KLF4: variants seen among roughly 807,000 people sequenced by gnomAD.
The protein encoded by KLF4 is KLF transcription factor 4.
Under a neutral mutation model 38.0 loss-of-function variants are expected in KLF4, and 14 were observed. That is an observed-to-expected ratio of 0.37 (90% CI 0.24 to 0.58). The LOEUF is 0.58. Ranked by LOEUF, KLF4 falls within the 20% of genes least tolerant of loss-of-function variation. KLF4 has a pLI of 0.76. For missense variants in KLF4, 737 were observed against 670.1 expected (o/e 1.10, Z -1.10); for synonymous variants, 398 against 302.5 (o/e 1.32, Z -3.28).
rs1829051198 is a variant in KLF4, at chr9:107,485,879, C to T, written c.1312G>A (p.Ala438Thr). The change falls in exon 5 of 5, where the codon GCC (alanine) becomes ACC (threonine). Residue 438 changes from alanine (A) to threonine (T), a missense_variant. Physicochemically the swap from Ala to Thr is moderately conservative, Grantham distance 58 (BLOSUM62 0). Transcript: ENST00000374672. This position sits in a 1 kb window ranked among gnomAD's most constrained non-coding sequence, Gnocchi z 4.9. ...CDWDGCGWKF[A>T]RSDELTRHYR... ...TGCCTGGTCAGTTCATCTGAGCGGG[C>T]GAATTTCCATCCACAGCCGTCCCAG... 6.2e-7 allele frequency: 1 copy of T among 1,611,278 alleles called. No homozygotes were observed.
chr9:107,486,753 C>G (rs1290773967), intron 4 of KLF4, among the ~76,000 whole-genome samples: 1 of 152,044 alleles, frequency 6.6e-6, no homozygotes, highest in African/African-American at 2.4e-5. Flanking sequence ...CTTTTAAAAG[C>G]CTAACAAAAT....
chr9:107,487,936 G>T lies in KLF4; in HGVS notation c.458C>A (p.Pro153Gln). 6.3e-7 allele frequency: 1 copy of T among 1,581,332 alleles called. No individual in the cohort carries two copies. Among genetic ancestry groups the T allele is most frequent in the Non-Finnish European group, 8.6e-7 (1 of 1,164,370 alleles). The change falls in exon 3 of 5, where the codon CCG (proline) becomes CAG (glutamine). Residue 153 changes from proline (P) to glutamine (Q), a missense_variant. Transcript: ENST00000374672. The surrounding 1 kb of genome is among the most constrained non-coding windows in gnomAD (Gnocchi z 6.1). ...GCCCGGGTCGTTCCCGGCCCGGATC[G>T]GATAGGTGAAGCTGCAGGTGGAGGG... ...SAPSTCSFTY[P>Q]IRAGNDPGVA...
In KLF4 at chr9:107,488,053, G is replaced by C. The variant is rs150375845; in HGVS notation, c.341C>G (p.Thr114Ser). The change falls in exon 3 of 5, where the codon ACC (threonine) becomes AGC (serine). Residue 114 changes from threonine to serine, a missense_variant. By Grantham distance (58) the Thr-to-Ser change is moderately conservative. Coordinates refer to ENST00000374672, the MANE Select transcript of KLF4 (RefSeq NM_004235.6). The surrounding 1 kb of genome is among the most constrained non-coding windows in gnomAD (Gnocchi z 5.7). ...DLDFILSNSL[T>S]HPPESVAATV... ...GGCGGCCACTGACTCCGGAGGATGG[G>C]TCAGCGAATTGGAGAGAATAAAGTC... is the stretch of plus-strand genomic sequence containing the variant. 4 of 1,612,520 alleles carry C rather than the reference G, an allele frequency of 2.5e-6. No homozygotes were observed. Among genetic ancestry groups the C allele is most frequent in the African/African-American group, 2.7e-5 (2 of 74,926 alleles).
chr9:107,488,006 C>G lies in KLF4; in HGVS notation c.388G>C (p.Ala130Pro). Residue 130 changes from alanine (A) to proline (P), a missense_variant, in exon 3 of 5, where the codon GCC becomes CCC. Ala to Pro is a conservative substitution (Grantham distance 27). Coordinates refer to ENST00000374672, the MANE Select transcript of KLF4 (RefSeq NM_004235.6). The surrounding 1 kb of genome is among the most constrained non-coding windows in gnomAD (Gnocchi z 5.7). ...CTCGACGGCGACGACGAAGAGGAGG[C>G]TGACGCTGACGAGGACACGGTGGCG... ...VAATVSSSAS[A>P]SSSSSPSSSG... 2 of 1,603,676 alleles carry G rather than the reference C, an allele frequency of 1.2e-6. No homozygotes were observed. The highest frequency in any genetic ancestry group is 8.5e-7 in the Non-Finnish European group (1 of 1,175,842).
At chr9:107,486,830 T>G (rs1829071932) in intron 4 of KLF4, among the ~76,000 whole-genome samples, 198 bp downstream of exon 4, 1 of 152,110 alleles carries the variant, frequency 6.6e-6, no homozygotes, top group South Asian at 2.1e-4. Context: ...AGGCGCCGGT[T>G]TGCTGTTCTC....
At chr9:107,486,989 G>C (rs2133187008) in intron 4 of KLF4, 39 bp downstream of exon 4, 1 of 1,614,128 alleles carries the variant, frequency 6.2e-7, no homozygotes, top group Non-Finnish European at 8.5e-7. Context: ...TATGGGGCTG[G>C]AAGCTAACCC....
chr9:107,487,958 A>C lies in KLF4; in HGVS notation c.436T>G (p.Ser146Ala). Residue 146 changes from serine (S) to alanine (A), a missense_variant, in exon 3 of 5, where the codon TCC becomes GCC. Coordinates refer to ENST00000374672, the MANE Select transcript of KLF4 (RefSeq NM_004235.6). The surrounding 1 kb of genome is among the most constrained non-coding windows in gnomAD (Gnocchi z 6.1). ...PSSSGPASAP[S>A]TCSFTYPIRA... is the part of the protein sequence containing the mutation. ...ATCGGATAGGTGAAGCTGCAGGTGG[A>C]GGGCGCGCTGGCAGGGCCGCTGCTC... is the stretch of plus-strand genomic sequence containing the variant. 1 of 1,584,406 alleles carries C rather than the reference A, an allele frequency of 6.3e-7. No individual in the cohort carries two copies.
At position 107,485,612 on chromosome 9, in the gene KLF4, C is replaced by T. The variant is rs1227401942; in HGVS notation, c.*139G>A. 2 of 806,508 alleles carry T rather than the reference C, an allele frequency of 2.5e-6. No individual in the cohort carries two copies. Among genetic ancestry groups the T allele is most frequent in the East Asian group, 2.9e-5 (1 of 34,544 alleles). The allele number at this position is 806,508 out of a possible 1,614,324, so 50.0% of individuals were successfully genotyped here. A position where few individuals can be genotyped will look rare whatever the true frequency, so the allele number is the denominator to read the frequency against. On this transcript the variant is annotated 3_prime_UTR_variant, in exon 5 of 5. Transcript: ENST00000374672. The surrounding 1 kb of genome is among the most constrained non-coding windows in gnomAD (Gnocchi z 4.9). ...CTCATTTTTCCTGATTATCCACTCACAAGATGACTCAGTTGGGAACTTGAC... is the reference window on the plus strand; with the variant it reads ...CTCATTTTTCCTGATTATCCACTCATAAGATGACTCAGTTGGGAACTTGAC...
rs2133191415 is a variant in KLF4, at chr9:107,489,655, GC to G, written c.-484del. The G allele has an allele frequency of 7.2e-6, 1 of 139,320 alleles. No individual in the cohort carries two copies. The highest frequency in any genetic ancestry group is 1.1e-4 in the East Asian group (1 of 8,916). The allele number at this position is 139,320 out of a possible 1,614,324, so 8.6% of individuals were successfully genotyped here. On this transcript the variant is annotated 5_prime_UTR_variant, in exon 1 of 5. Transcript: ENST00000374672. ...CCACGGGCGGGTGGGAGGGTGGGGG[GC>G]CAGAGGGGCGGGGGAGGGTCACTCG...
Position 107,485,194 on chromosome 9 carries a change from T to C in KLF4, c.*557A>G, listed in dbSNP as rs1252186490. On this transcript the variant is annotated 3_prime_UTR_variant, in exon 5 of 5. Coordinates refer to ENST00000374672, the MANE Select transcript of KLF4 (RefSeq NM_004235.6). This position sits in a 1 kb window ranked among gnomAD's most constrained non-coding sequence, Gnocchi z 4.9. ...TCGGAAGACAAATATAGATTTTCCT[T>C]GTCAAAGTATGCAGCAGTTTGAAAA... is the stretch of plus-strand genomic sequence containing the variant. 1.5e-5 allele frequency: 3 copies of C among 202,622 alleles called. No individual in the cohort carries two copies. The highest frequency in any genetic ancestry group is 6.9e-5 in the African/African-American group (3 of 43,688). The allele number at this position is 202,622 out of a possible 1,614,324, so 12.6% of individuals were successfully genotyped here.
In KLF4 at chr9:107,488,358, C is replaced by G. The variant is rs1829126680; in HGVS notation, c.127-91G>C. 2 of 1,456,050 alleles carry G rather than the reference C, an allele frequency of 1.4e-6. No individual in the cohort carries two copies. The highest frequency in any genetic ancestry group is 1.8e-6 in the Non-Finnish European group (2 of 1,108,966). 90.2% of individuals were successfully genotyped at this position (1,456,050 alleles called of 1,614,324 possible). A position where few individuals can be genotyped will look rare whatever the true frequency, so the allele number is the denominator to read the frequency against. On this transcript the variant is annotated intron_variant, in intron 2 of 4. Transcript: ENST00000374672. The surrounding 1 kb of genome is among the most constrained non-coding windows in gnomAD (Gnocchi z 5.7). ...TGCTGGCGGGCCACGCGCGACTGCACCGCCCAGACATGGGGACTGGTCAGG... is the reference window on the plus strand; with the variant it reads ...TGCTGGCGGGCCACGCGCGACTGCAGCGCCCAGACATGGGGACTGGTCAGG...
At position 107,488,457 on chromosome 9, in the gene KLF4, C is replaced by T. The variant is rs893854622; in HGVS notation, c.127-190G>A. 1.1e-5 allele frequency: 11 copies of T among 1,003,834 alleles called. No individual in the cohort carries two copies. The African/African-American group carries it at 1.3e-4, about 12-fold the overall frequency. 62.2% of individuals were successfully genotyped at this position (1,003,834 alleles called of 1,614,324 possible). On this transcript the variant is annotated intron_variant, in intron 2 of 4. Transcript: ENST00000374672. This position sits in a 1 kb window ranked among gnomAD's most constrained non-coding sequence, Gnocchi z 5.7. ...CTCCCGGGTCGAAGAAGAGGTGATG[C>T]GTCTGTATTGCGGGTGTTATGTCCT...
chr9:107,486,907 C>T, intron 4 of KLF4, 121 bp downstream of exon 4: 13 of 1,570,718 alleles, frequency 8.3e-6, no homozygotes, highest in Admixed American at 1.8e-5. Context: ...GAGGAGTGTC[C>T]ACTGGTAGCC....
Position 107,488,907 on chromosome 9 carries a change from C to T in KLF4, c.126+23G>A, listed in dbSNP as rs1829139526. On this transcript the variant is annotated intron_variant, in intron 2 of 4. Transcript: ENST00000374672. The surrounding 1 kb of genome is among the most constrained non-coding windows in gnomAD (Gnocchi z 5.7). ...CCCACGAAAACCCACCGGGCGTTCC[C>T]GGCGGCCCGGAGCGATACTCACGTT... The T allele has an allele frequency of 6.5e-7, 1 of 1,545,618 alleles. No homozygotes were observed.
In KLF4 at chr9:107,485,552, C is replaced by A; in HGVS notation, c.*199G>T. 1 of 512,080 alleles carries A rather than the reference C, an allele frequency of 2.0e-6. No individual in the cohort carries two copies. Among genetic ancestry groups the A allele is most frequent in the Admixed American group, 4.1e-5 (1 of 24,408 alleles). The allele number at this position is 512,080 out of a possible 1,614,324, so 31.7% of individuals were successfully genotyped here. A position where few individuals can be genotyped will look rare whatever the true frequency, so the allele number is the denominator to read the frequency against. On this transcript the variant is annotated 3_prime_UTR_variant, in exon 5 of 5. Coordinates refer to ENST00000374672, the MANE Select transcript of KLF4 (RefSeq NM_004235.6). This position sits in a 1 kb window ranked among gnomAD's most constrained non-coding sequence, Gnocchi z 4.9. ...GAATGATAGAAGATCCAGTCACAGA[C>A]CCCATCTGTTCTTTGATTTTTGTCT... is the stretch of plus-strand genomic sequence containing the variant.
In KLF4 at chr9:107,485,969, T is replaced by C; in HGVS notation, c.1265-43A>G. 6.4e-7 allele frequency: 1 copy of C among 1,573,404 alleles called. No individual in the cohort carries two copies. The highest frequency in any genetic ancestry group is 1.4e-5 in the African/African-American group (1 of 72,918). On this transcript the variant is annotated intron_variant, in intron 4 of 4. Coordinates refer to ENST00000374672, the MANE Select transcript of KLF4 (RefSeq NM_004235.6). This position sits in a 1 kb window ranked among gnomAD's most constrained non-coding sequence, Gnocchi z 4.9. ...AAAAAAAATTGACGCTATTGCTATATCAAAGAATCGCCCCTTTTAAAAACT... is the reference window on the plus strand; with the variant it reads ...AAAAAAAATTGACGCTATTGCTATACCAAAGAATCGCCCCTTTTAAAAACT...
In KLF4 at chr9:107,488,081, G is replaced by A. The variant is rs375778409; in HGVS notation, c.313C>T (p.Leu105=). ...ETEEFNDLLD[L]DFILSNSLTH... ...AGCGAATTGGAGAGAATAAAGTCCA[G>A]GTCCAGGAGATCGTTGAACTCCTCG... Residue 105 remains leucine (L), a synonymous_variant, in exon 3 of 5, where the codon CTG becomes TTG. Transcript: ENST00000374672. The surrounding 1 kb of genome is among the most constrained non-coding windows in gnomAD (Gnocchi z 5.7). 4 of 1,613,070 alleles carry A rather than the reference G, an allele frequency of 2.5e-6. No individual in the cohort carries two copies. The highest frequency in any genetic ancestry group is 1.1e-5 in the South Asian group (1 of 91,090).
chr9:107,486,882 A>C, intron 4 of KLF4, 146 bp downstream of exon 4: 1 of 1,501,466 alleles, frequency 6.7e-7, no homozygotes, highest in South Asian at 1.3e-5. Flanking sequence ...TGCCCTGGGA[A>C]GCCAAGGAGG....
In KLF4 at chr9:107,485,207, A is replaced by T. The variant is rs1829039199; in HGVS notation, c.*544T>A. 4.9e-6 allele frequency: 1 copy of T among 205,292 alleles called. No individual in the cohort carries two copies. The allele number at this position is 205,292 out of a possible 1,614,324, so 12.7% of individuals were successfully genotyped here. A position where few individuals can be genotyped will look rare whatever the true frequency, so the allele number is the denominator to read the frequency against. On this transcript the variant is annotated 3_prime_UTR_variant, in exon 5 of 5. Coordinates refer to ENST00000374672, the MANE Select transcript of KLF4 (RefSeq NM_004235.6). This position sits in a 1 kb window ranked among gnomAD's most constrained non-coding sequence, Gnocchi z 4.9. ...ATAGATTTTCCTTGTCAAAGTATGCAGCAGTTTGAAAACTTTGGCTTCCTT... is the reference window on the plus strand; with the variant it reads ...ATAGATTTTCCTTGTCAAAGTATGCTGCAGTTTGAAAACTTTGGCTTCCTT...
Sources: gnomAD v4.1 joint callset for allele counts (sites outside exome capture counted in the v4.1 genomes callset) on GRCh38, gnomAD v4.1.1 for gene constraint, Gnocchi (gnomAD v3.1) non-coding constraint, MANE v1.5 for transcripts, NCBI Gene and HGNC (gene_info 2026-07-23, HGNC 2026-07-21) for gene names.